Variants in SMARCA2 observed in about 807,000 individuals in gnomAD.
SMARCA2 encodes the protein SWI/SNF-related matrix-associated actin-dependent regulator of chromatin subfamily A member 2.
Under a neutral mutation model 199.8 loss-of-function variants are expected in SMARCA2, and 61 were observed. The ratio of observed to expected loss-of-function variants is 0.31; its 90% CI spans 0.25 to 0.38. SMARCA2 has a LOEUF of 0.38. Ranked by LOEUF, SMARCA2 falls within the 10% of genes least tolerant of loss-of-function variation. The pLI is 1.00. For missense variants in SMARCA2, 1,344 were observed against 2,012.2 expected (o/e 0.67, Z 6.35); for synonymous variants, 935 against 732.0 (o/e 1.28, Z -4.48).
At chr9:2,131,769 G>A (rs1401268465) in intron 27 of SMARCA2, among the ~76,000 whole-genome samples, 1 of 152,000 alleles carries the variant, frequency 6.6e-6, no homozygotes, top group Non-Finnish European at 1.5e-5. Context: ...GCGAAACCCC[G>A]TCTCTACTAA....
intron 9 of SMARCA2, among the ~76,000 whole-genome samples, chr9:2,064,660 C>G (rs775921680): frequency 6.6e-6 from 1 of 152,098 alleles, no homozygotes; most frequent in Non-Finnish European, 1.5e-5. Flanking sequence ...GTGACAGATT[C>G]TTTAAATACT....
At chr9:2,022,151 G>A (rs141125984) in intron 1 of SMARCA2, 1 of 152,330 alleles carries the variant, frequency 6.6e-6, no homozygotes, top group African/African-American at 2.4e-5. Context: ...AATCTGTATT[G>A]GAGGCTTGTC....
At position 2,181,656 on chromosome 9, in the gene SMARCA2, G is replaced by A. The variant is rs751123179; in HGVS notation, c.4339G>A (p.Val1447Met). The A allele has an allele frequency of 2.6e-6, 4 of 1,513,514 alleles. No homozygotes were observed. Among genetic ancestry groups the A allele is most frequent in the Non-Finnish European group, 3.7e-6 (4 of 1,089,256 alleles). The allele number at this position is 1,513,514 out of a possible 1,614,324, so 93.8% of individuals were successfully genotyped here. The change falls in exon 30 of 34, where the codon GTG (valine) becomes ATG (methionine). Residue 1447 changes from valine to methionine, a missense_variant. This residue lies in a region of SMARCA2 where 151 missense variants were observed against 154.0 expected (regional missense o/e 0.98). Transcript: ENST00000349721. ...PEYYELIRKP[V>M]DFKKIKERIR... ...ATACTATGAATTAATTAGGAAGCCA[G>A]TGGATTTCAAAAAAATAAAGGTAGA...
chr9:2,085,458 C>A (rs1821760795), intron 17 of SMARCA2, among the ~76,000 whole-genome samples: 2 of 152,046 alleles, frequency 1.3e-5, no homozygotes, highest in Admixed American at 6.5e-5. Context: ...AAATCAAAGG[C>A]CTCTGATTCT....
intron 1 of SMARCA2, among the ~76,000 whole-genome samples, chr9:2,025,341 C>A (rs1279973030): frequency 3.3e-5 from 5 of 152,144 alleles, no homozygotes; most frequent in Non-Finnish European, 4.4e-5. Flanking sequence ...CTGTGCCCCC[C>A]TCTCCCCAGA....
At chr9:2,120,380 G>T (rs1299519868) in intron 26 of SMARCA2, among the ~76,000 whole-genome samples, 2 of 152,200 alleles carry the variant, frequency 1.3e-5, no homozygotes, top group African/African-American at 4.8e-5. Context: ...GGACAGAGCT[G>T]CAAGGTAGAA....
At chr9:2,149,607 C>G (rs369910745) in intron 27 of SMARCA2, among the ~76,000 whole-genome samples, 2 of 151,442 alleles carry the variant, frequency 1.3e-5, no homozygotes, top group African/African-American at 4.8e-5. Flanking sequence ...TGAGGGAAAC[C>G]GCTCCCATGA....
intron 14 of SMARCA2, among the ~76,000 whole-genome samples, chr9:2,078,569 C>T (rs929434012): frequency 1.3e-5 from 2 of 152,156 alleles, no homozygotes; most frequent in Non-Finnish European, 2.9e-5. Context: ...GGCTAATTCC[C>T]TGTGTTCTAC....
intron 27 of SMARCA2, among the ~76,000 whole-genome samples, chr9:2,132,113 A>G (rs893891947): frequency 6.6e-6 from 1 of 152,228 alleles, no homozygotes; most frequent in Non-Finnish European, 1.5e-5. Context: ...GCTAAACTCT[A>G]CACAGGAAAA....
chr9:2,056,550 T>C lies in SMARCA2; in HGVS notation c.1174-122T>C, dbSNP rs112704791. On this transcript the variant is annotated intron_variant, in intron 6 of 33. Transcript: ENST00000349721. This position sits in a 1 kb window ranked among gnomAD's most constrained non-coding sequence, Gnocchi z 4.0. The stretch of plus-strand genomic sequence containing the variant: ...TTCATTTAATACAAACCAAAGGTGA[T>C]TGAGAAGCTTGTGGAGATTCCCCGC... 1.1e-3 allele frequency: 846 copies of C among 794,270 alleles called. 7 individuals are homozygous for C. The African/African-American group carries it at 0.013, about 12-fold the overall frequency. 49.2% of individuals were successfully genotyped at this position (794,270 alleles called of 1,614,324 possible).
In SMARCA2 at chr9:2,041,194, G is replaced by C. The variant is rs985549798; in HGVS notation, c.790+1294G>C. The C allele has an allele frequency of 7.6e-6, 3 of 396,526 alleles. No homozygotes were observed. In the Admixed American group the frequency reaches 1.3e-4, roughly 17 times the overall value. 24.6% of individuals were successfully genotyped at this position (396,526 alleles called of 1,614,324 possible). A position where few individuals can be genotyped will look rare whatever the true frequency, so the allele number is the denominator to read the frequency against. ...TATTTTCTGGTAGAGGCAGCTCCAA[G>C]AGTAGGCCTACCTAAGAGATATCCT... is the stretch of plus-strand genomic sequence containing the variant. On this transcript the variant is annotated intron_variant, in intron 4 of 33. Transcript: ENST00000349721.
At chr9:2,116,080 C>T in intron 25 of SMARCA2, 31 bp downstream of exon 25, 3 of 1,489,872 alleles carry the variant, frequency 2.0e-6, no homozygotes, top group Admixed American at 1.7e-5. Context: ...TTTATGAAAT[C>T]AAACAGTGGC....
intron 3 of SMARCA2, among the ~76,000 whole-genome samples, chr9:2,034,713 A>C (rs1432620052): frequency 6.6e-6 from 1 of 152,202 alleles, no homozygotes; most frequent in East Asian, 1.9e-4. Context: ...TTTCTTTTTG[A>C]AATATAAATA....
chr9:2,065,193 A>C (rs1374831492), intron 9 of SMARCA2, among the ~76,000 whole-genome samples: 1 of 152,186 alleles, frequency 6.6e-6, no homozygotes, highest in Non-Finnish European at 1.5e-5. Context: ...TCAAAAAAAA[A>C]AGTCTAGCCA....
chr9:2,182,114 C>A, intron 30 of SMARCA2, 27 bp from the exon 31 acceptor site: 1 of 1,413,578 alleles, frequency 7.1e-7, no homozygotes, highest in Non-Finnish European at 1.0e-6. Context: ...CTCTTTTTTT[C>A]TCCATTTTCT....
chr9:2,145,801 T>C (rs560786111), intron 27 of SMARCA2, among the ~76,000 whole-genome samples: 3 of 152,268 alleles, frequency 2.0e-5, no homozygotes, highest in Admixed American at 6.5e-5. Flanking sequence ...TCTAGGGGAA[T>C]TGAGAAAAAC....
chr9:2,102,000 C>G (rs1327051585), intron 22 of SMARCA2, among the ~76,000 whole-genome samples: 2 of 152,150 alleles, frequency 1.3e-5, no homozygotes, highest in Admixed American at 6.5e-5. Flanking sequence ...AATCTCTCAT[C>G]TGCTGTAAAT....
chr9:2,159,580 C>G (rs1037603695), intron 27 of SMARCA2: 3 of 412,650 alleles, frequency 7.3e-6, no homozygotes, highest in East Asian at 7.6e-5. Context: ...CAGAAACCAT[C>G]TGAGCTAAAA....
chr9:2,116,367 T>C (rs1234058826), intron 25 of SMARCA2, among the ~76,000 whole-genome samples: 1 of 152,212 alleles, frequency 6.6e-6, no homozygotes, highest in Non-Finnish European at 1.5e-5. Context: ...CAGAGGATAC[T>C]TTAGGGACAA....
Sources: allele counts gnomAD v4.1 joint callset (sites outside exome capture counted in the v4.1 genomes callset), GRCh38; gene constraint gnomAD v4.1.1; regional missense constraint gnomAD v4.1.1; non-coding constraint Gnocchi (gnomAD v3.1); transcripts MANE v1.5; gene names NCBI Gene and HGNC (gene_info 2026-07-23, HGNC 2026-07-21).